The following RACK1 variants were observed in gnomAD, a reference collection of about 807,000 sequenced individuals.
The protein encoded by RACK1 is receptor for activated C kinase 1.
In RACK1, 3 loss-of-function variants were observed where a neutral mutation model predicts 42.2. The ratio of observed to expected loss-of-function variants is 0.07; its 90% CI spans 0.03 to 0.18. The LOEUF (loss-of-function observed/expected upper bound fraction) is 0.18, where lower values mean the gene tolerates loss of function less well. RACK1 is among the 10% of genes least tolerant of loss of function. The pLI, the probability that RACK1 is intolerant of heterozygous loss-of-function variation, is 1.00. For synonymous variants in RACK1, 181 were observed against 154.8 expected, an observed-to-expected ratio of 1.17 and a Z score of -1.25; for missense variants, 146 against 403.2, an observed-to-expected ratio of 0.36 and a Z score of 5.46.
At chr5:181,237,181 C>T in intron 7 of RACK1, 139 bp from the exon 8 acceptor site, 1 of 1,480,104 alleles carries the variant, frequency 6.8e-7, no homozygotes, top group Non-Finnish European at 9.2e-7. Context: ...GCGATCCTGG[C>T]TCACTACAGC....
At chr5:181,237,493 A>G (rs538368175) in intron 7 of RACK1, 116 bp downstream of exon 7, 12 of 709,482 alleles carry the variant, frequency 1.7e-5, no homozygotes, top group Non-Finnish European at 3.1e-5. Context: ...CTGGCTTGTC[A>G]TTTCACTTTA....
At chr5:181,237,179 G>A (rs1759169064) in intron 7 of RACK1, 137 bp from the exon 8 acceptor site, 2 of 1,493,958 alleles carry the variant, frequency 1.3e-6, no homozygotes, top group Non-Finnish European at 1.8e-6. Context: ...GTGCGATCCT[G>A]GCTCACTACA....
intron 1 of RACK1, chr5:181,242,914 TCAGA>T: frequency 3.0e-6 from 1 of 329,658 alleles, no homozygotes; most frequent in Non-Finnish European, 5.9e-6. Flanking sequence ...TTCCTGAAAC[TCAGA>T]CGAACTCAAC....
At chr5:181,241,457 G>A in intron 3 of RACK1, 35 bp downstream of exon 3, 2 of 1,500,228 alleles carry the variant, frequency 1.3e-6, no homozygotes. Flanking sequence ...AAGTTTAAGA[G>A]GGTGGAAGAG....
intron 4 of RACK1, 124 bp downstream of exon 4, chr5:181,239,363 G>C (rs1759258517): frequency 1.3e-6 from 1 of 799,728 alleles, no homozygotes; most frequent in Admixed American, 1.9e-5. Context: ...AGGGACATCA[G>C]ACCATGTGAC....
intron 5 of RACK1, chr5:181,238,823 AC>A (rs201088073): frequency 4.2e-5 from 20 of 479,674 alleles, no homozygotes; most frequent in South Asian, 1.7e-4. Flanking sequence ...AAACAAACAA[AC>A]AAAAAAACAA....
At position 181,243,862 on chromosome 5, in the gene RACK1, C is replaced by G; in HGVS notation, c.-62G>C. ...GATGGCACTGGATGGCTTAGAGAAA[C>G]TAGCACCACAACCTCTCCTGCCGCC... On this transcript the variant is annotated 5_prime_UTR_variant, in exon 1 of 8. Coordinates refer to ENST00000512805, the MANE Select transcript of RACK1 (RefSeq NM_006098.5). 1 of 1,528,652 alleles carries G rather than the reference C, an allele frequency of 6.5e-7. No homozygotes were observed. Among genetic ancestry groups the G allele is most frequent in the South Asian group, 1.2e-5 (1 of 82,012 alleles). 94.7% of individuals were successfully genotyped at this position (1,528,652 alleles called of 1,614,324 possible).
intron 5 of RACK1, chr5:181,238,793 C>T (rs546341754): frequency 8.3e-5 from 34 of 409,942 alleles, no homozygotes; most frequent in South Asian, 4.0e-4. Flanking sequence ...AGTGAGACTC[C>T]GTCTCAAAAA....
intron 7 of RACK1, 200 bp downstream of exon 7, chr5:181,237,409 G>A (rs948643648): frequency 2.9e-6 from 2 of 687,234 alleles, no homozygotes; most frequent in African/African-American, 1.8e-5. Flanking sequence ...GACAGCCACT[G>A]CGTTCCACAT....
At position 181,239,060 on chromosome 5, in the gene RACK1, C is replaced by CA; in HGVS notation, c.636+6dup. ...CACTGAGTAGGAGACGCCTTGTCCCCAAATACCTTGCCTCCAGAAGCACAG... is the reference window on the plus strand; with the variant it reads ...CACTGAGTAGGAGACGCCTTGTCCCCAAAATACCTTGCCTCCAGAAGCACAG... On this transcript the variant is annotated splice_region_variant and intron_variant, in intron 5 of 7. Transcript: ENST00000512805. The CA allele has an allele frequency of 6.3e-7, 1 of 1,593,368 alleles. No homozygotes were observed. The highest frequency in any genetic ancestry group is 8.6e-7 in the Non-Finnish European group (1 of 1,161,138).
At chr5:181,237,117 CTTTT>C (rs1187082553) in intron 7 of RACK1, 75 bp from the exon 8 acceptor site, 3 of 1,597,052 alleles carry the variant, frequency 1.9e-6, no homozygotes, top group South Asian at 1.1e-5. Flanking sequence ...GCCCAAGTGG[CTTTT>C]TTTGAGATCC....
chr5:181,242,018 T>C, intron 2 of RACK1, 156 bp downstream of exon 2: 2 of 801,696 alleles, frequency 2.5e-6, no homozygotes, highest in Non-Finnish European at 2.2e-6. Flanking sequence ...GAGTAACTTA[T>C]TTAAAGTGAG....
Position 181,242,160 on chromosome 5 carries a change from G to C in RACK1, c.281+14C>G. 3 of 1,606,710 alleles carry C rather than the reference G, an allele frequency of 1.9e-6. No homozygotes were observed. Among genetic ancestry groups the C allele is most frequent in the Non-Finnish European group, 2.6e-6 (3 of 1,176,218 alleles). Reference sequence around the variant, plus strand: ...TCTTCCCAAGGCCCCAGAGCTAAGTGAGCAGCTACTTGCGTTGTGAGATCC... The same window carrying C: ...TCTTCCCAAGGCCCCAGAGCTAAGTCAGCAGCTACTTGCGTTGTGAGATCC... On this transcript the variant is annotated intron_variant, in intron 2 of 7. Coordinates refer to ENST00000512805, the MANE Select transcript of RACK1 (RefSeq NM_006098.5).
chr5:181,237,968 C>G (rs1198204594), intron 6 of RACK1, 131 bp downstream of exon 6: 14 of 993,790 alleles, frequency 1.4e-5, no homozygotes, highest in East Asian at 4.8e-5. Context: ...TTACTCAGAC[C>G]AAAATGTCAT....
At chr5:181,243,545 C>A in intron 1 of RACK1, 147 bp downstream of exon 1, 2 of 1,398,486 alleles carry the variant, frequency 1.4e-6, no homozygotes, top group East Asian at 2.5e-5. Flanking sequence ...TCCGCACGCC[C>A]CAATTCACAA....
At chr5:181,237,536 T>G (rs1445562567) in intron 7 of RACK1, 73 bp downstream of exon 7, 1 of 843,590 alleles carries the variant, frequency 1.2e-6, no homozygotes, top group African/African-American at 1.7e-5. Flanking sequence ...TCTGACAGAC[T>G]AGATATACTA....
At position 181,236,900 on chromosome 5, in the gene RACK1, T is replaced by C; in HGVS notation, c.*77A>G. 1 of 1,512,810 alleles carries C rather than the reference T, an allele frequency of 6.6e-7. No individual in the cohort carries two copies. The highest frequency in any genetic ancestry group is 1.3e-5 in the South Asian group (1 of 75,380). The allele number at this position is 1,512,810 out of a possible 1,614,324, so 93.7% of individuals were successfully genotyped here. A position where few individuals can be genotyped will look rare whatever the true frequency, so the allele number is the denominator to read the frequency against. Reference sequence around the variant, plus strand: ...AGCAATGTAGATAGAATGGAGCTTTTTTGCATATAAGAAAAAAAAACCTAA... The same window carrying C: ...AGCAATGTAGATAGAATGGAGCTTTCTTGCATATAAGAAAAAAAAACCTAA... On this transcript the variant is annotated 3_prime_UTR_variant, in exon 8 of 8. Coordinates refer to ENST00000512805, the MANE Select transcript of RACK1 (RefSeq NM_006098.5).
chr5:181,237,868 G>T, intron 6 of RACK1, 149 bp from the exon 7 acceptor site: 1 of 661,564 alleles, frequency 1.5e-6, no homozygotes, highest in Non-Finnish European at 2.7e-6. Flanking sequence ...GTTGCCACTA[G>T]TGGAAGGATG....
rs927496854 is a variant in RACK1 at position 181,238,694 on chromosome 5, C to T, written c.636+373G>A. The T allele has an allele frequency of 1.7e-4, 61 of 362,924 alleles. No individual in the cohort carries two copies. The East Asian group carries it at 3.3e-3, about 19-fold the overall frequency. The allele number at this position is 362,924 out of a possible 1,614,324, so 22.5% of individuals were successfully genotyped here. A position where few individuals can be genotyped will look rare whatever the true frequency, so the allele number is the denominator to read the frequency against. ...GCGGGTGCCTGTAATCCTAGCTACT[C>T]GGGAGGCTGAGATGGGAGAATTGCT... On this transcript the variant is annotated intron_variant, in intron 5 of 7. Transcript: ENST00000512805.
Sources: allele counts gnomAD v4.1 joint callset, GRCh38; gene constraint gnomAD v4.1.1; transcripts MANE v1.5; gene names NCBI Gene and HGNC (gene_info 2026-07-23, HGNC 2026-07-21).